The following RIC3 variants were observed in gnomAD, a reference collection of about 807,000 sequenced individuals.
RIC3 encodes the protein protein RIC-3.
Under a neutral mutation model 27.3 loss-of-function variants are expected in RIC3, and 28 were observed. That is an observed-to-expected ratio of 1.02 (90% CI 0.76 to 1.41). RIC3 has a LOEUF of 1.41. Ranked by LOEUF, RIC3 falls within the 40% of genes most tolerant of loss-of-function variation. The pLI, the probability that RIC3 is intolerant of heterozygous loss-of-function variation, is 0.00. For missense variants in RIC3, 501 were observed against 444.7 expected (o/e 1.13, Z -1.14); for synonymous variants, 184 against 160.4 (o/e 1.15, Z -1.11).
At chr11:8,158,844 T>C (rs924115552) in intron 1 of RIC3, among the ~76,000 whole-genome samples, 3 of 51,230 alleles carry the variant, frequency 5.9e-5, no homozygotes, top group African/African-American at 2.0e-4. Flanking sequence ...AGCAATTCTC[T>C]GCCTCAGCCT....
rs1222515882 is a variant in RIC3, at chr11:8,110,931, C to A, written c.877G>T (p.Val293Phe). 6.2e-7 allele frequency: 1 copy of A among 1,614,168 alleles called. No individual in the cohort carries two copies. Among genetic ancestry groups the A allele is most frequent in the East Asian group, 2.2e-5 (1 of 44,886 alleles). Residue 293 changes from valine to phenylalanine, a missense_variant, in exon 6 of 6, where the codon GTT (valine) becomes TTT (phenylalanine). Val to Phe is a conservative substitution (Grantham distance 50, BLOSUM62 -1). Coordinates refer to ENST00000309737, the MANE Select transcript of RIC3 (RefSeq NM_001206671.4). Reference protein sequence around the residue: ...TDPRAQEDNSVTSCDPKPETC... With the variant: ...TDPRAQEDNSFTSCDPKPETC... ...TCTGGCTTTGGATCACACGAGGTAACAGAATTATCTTCCTGGGCTCTGGGG... is the reference window on the plus strand; with the variant it reads ...TCTGGCTTTGGATCACACGAGGTAAAAGAATTATCTTCCTGGGCTCTGGGG...
chr11:8,098,730 C>T, the RIC3 span: 148 of 1,544,056 alleles, frequency 9.6e-5, no homozygotes, highest in Admixed American at 2.3e-4. Flanking sequence ...GGGTGCATGA[C>T]TCTATACTGA....
chr11:8,102,409 C>A (rs372512057), downstream of RIC3: 3 of 152,310 alleles, frequency 2.0e-5, no homozygotes, highest in South Asian at 4.2e-4. Flanking sequence ...TGAACAGGGT[C>A]CCTGGATCAG....
chr11:8,167,152 G>A (rs59779009), intron 1 of RIC3, among the ~76,000 whole-genome samples: 12,102 of 152,094 alleles, frequency 0.08, 572 homozygotes, highest in African/African-American at 0.11. Context: ...TAATCTTAAA[G>A]TATTTATTGA....
At chr11:8,093,674 T>C in the RIC3 span, among the ~76,000 whole-genome samples, 1 of 152,204 alleles carries the variant, frequency 6.6e-6, no homozygotes, top group African/African-American at 2.4e-5. Context: ...GCAGCCTTTG[T>C]TCTTTCTTCC....
At chr11:8,119,730 A>G (rs1946243759) in intron 5 of RIC3, among the ~76,000 whole-genome samples, 1 of 152,236 alleles carries the variant, frequency 6.6e-6, no homozygotes, top group African/African-American at 2.4e-5. Flanking sequence ...CTGCACAGCA[A>G]AAGAAACTAC....
At position 8,163,816 on chromosome 11, in the gene RIC3, T is replaced by C. The variant is rs529876919; in HGVS notation, c.124+5050A>G. ...CTATCAAAATCCCAACTGGCATTTT[T>C]TTTTTTTTTTTTGGCAGAAACCAAA... On this transcript the variant is annotated intron_variant, in intron 1 of 5. Transcript: ENST00000309737. Among the ~76,000 whole-genome samples the C allele has an allele frequency of 3.7e-4, 56 of 151,846 alleles. 1 individual carries two copies. The South Asian group carries it at 1.0e-2, about 27-fold the overall frequency.
rs932774226 is a variant in RIC3 at position 8,138,498 on chromosome 11, A to C, written c.352-151T>G. ...AACACTAGAGAAATAGCTCAAAAAAAAAAACGCCAAAAGATGAGGTTTCCA... is the reference window on the plus strand; with the variant it reads ...AACACTAGAGAAATAGCTCAAAAAACAAAACGCCAAAAGATGAGGTTTCCA... On this transcript the variant is annotated intron_variant, in intron 2 of 5. Transcript: ENST00000309737. 8 of 509,854 alleles carry C rather than the reference A, an allele frequency of 1.6e-5. No individual in the cohort carries two copies. In the South Asian group the frequency reaches 2.2e-4, roughly 14 times the overall value. 31.6% of individuals were successfully genotyped at this position (509,854 alleles called of 1,614,324 possible). A position where few individuals can be genotyped will look rare whatever the true frequency, so the allele number is the denominator to read the frequency against.
the RIC3 span, among the ~76,000 whole-genome samples, chr11:8,093,243 AG>A: frequency 6.6e-6 from 1 of 151,466 alleles, no homozygotes; most frequent in Non-Finnish European, 1.5e-5. Flanking sequence ...TTGATCACTG[AG>A]GGGGGCGAGG....
intron 5 of RIC3, among the ~76,000 whole-genome samples, chr11:8,123,635 T>C (rs894625434): frequency 6.6e-5 from 10 of 152,154 alleles, no homozygotes; most frequent in Admixed American, 4.6e-4. Context: ...GGATGAACTA[T>C]GTAAATTCCT....
At chr11:8,101,116 C>A, downstream of RIC3, 1 of 1,250,926 alleles carries the variant, frequency 8.0e-7, no homozygotes, top group Non-Finnish European at 1.1e-6. Context: ...AGCTATACAG[C>A]TAAGGTTAGA....
downstream of RIC3, chr11:8,101,442 C>T (rs1944298992): frequency 1.9e-6 from 3 of 1,608,298 alleles, no homozygotes; most frequent in Non-Finnish European, 2.5e-6. Flanking sequence ...CTCTACCATT[C>T]CTGTCCTGTC....
At chr11:8,116,104 C>A (rs1945835659) in intron 5 of RIC3, among the ~76,000 whole-genome samples, 1 of 152,066 alleles carries the variant, frequency 6.6e-6, no homozygotes, top group African/African-American at 2.4e-5. Flanking sequence ...TATTTATGGT[C>A]AATTTTTTTA....
chr11:8,125,987 T>C (rs1946953601), intron 5 of RIC3, among the ~76,000 whole-genome samples: 1 of 152,168 alleles, frequency 6.6e-6, no homozygotes, highest in Non-Finnish European at 1.5e-5. Flanking sequence ...TGCAGCGAGC[T>C]GAGATTGCTC....
chr11:8,146,605 G>T (rs566326473), intron 1 of RIC3, among the ~76,000 whole-genome samples: 2 of 152,136 alleles, frequency 1.3e-5, no homozygotes, highest in African/African-American at 4.8e-5. Context: ...CCCTCAGGAG[G>T]TCCTGAGAAC....
At chr11:8,101,035 A>C in the RIC3 span, 6 of 1,612,232 alleles carry the variant, frequency 3.7e-6, no homozygotes, top group African/African-American at 1.3e-5. Flanking sequence ...GGTCCGTAGG[A>C]TACCCAAGGC....
chr11:8,096,512 G>A, the RIC3 span, among the ~76,000 whole-genome samples: 11 of 152,170 alleles, frequency 7.2e-5, no homozygotes, highest in Admixed American at 5.9e-4. Context: ...GACATGTGTG[G>A]GAATATATGT....
At chr11:8,119,169 G>A (rs547691464) in intron 5 of RIC3, among the ~76,000 whole-genome samples, 9 of 152,256 alleles carry the variant, frequency 5.9e-5, no homozygotes, top group South Asian at 2.1e-4. Flanking sequence ...GGAAGGACTC[G>A]CTAAATGCTT....
chr11:8,098,858 C>A, the RIC3 span: 1 of 1,613,838 alleles, frequency 6.2e-7, no homozygotes, highest in Admixed American at 1.7e-5. Flanking sequence ...ACGTCAGGAG[C>A]TGGCAGCTGT....
Sources: gnomAD v4.1 joint callset for allele counts (sites outside exome capture counted in the v4.1 genomes callset) on GRCh38, gnomAD v4.1.1 for gene constraint, MANE v1.5 for transcripts, NCBI Gene and HGNC (gene_info 2026-07-23, HGNC 2026-07-21) for gene names.